The following CFAP299 variants were observed in gnomAD, a reference collection of about 807,000 sequenced individuals.
CFAP299 encodes the protein cilia- and flagella-associated protein 299.
Under a neutral mutation model 27.0 loss-of-function variants are expected in CFAP299, and 21 were observed. The observed-to-expected ratio is 0.78, with a 90% confidence interval of 0.55 to 1.12. CFAP299 has a LOEUF of 1.12. Among genes scored for constraint, CFAP299 ranks in the 50% most tolerant of loss-of-function variants. The pLI is 0.00. For synonymous variants in CFAP299, 104 were observed against 98.1 expected, an observed-to-expected ratio of 1.06 and a Z score of -0.36; for missense variants, 310 against 276.6, an observed-to-expected ratio of 1.12 and a Z score of -0.86.
At chr4:80,717,555 T>C (rs1722559839) in intron 3 of CFAP299, among the ~76,000 whole-genome samples, 1 of 152,122 alleles carries the variant, frequency 6.6e-6, no homozygotes, top group South Asian at 2.1e-4. Flanking sequence ...CCAAAATGTA[T>C]TCCAGACAGG....
chr4:80,857,594 A>G (rs1009260457), intron 3 of CFAP299, among the ~76,000 whole-genome samples: 1 of 152,060 alleles, frequency 6.6e-6, no homozygotes, highest in Non-Finnish European at 1.5e-5. Flanking sequence ...ATACCTAATT[A>G]ATTGAGAGTT....
In CFAP299 at chr4:80,638,200, T is replaced by C. The variant is rs947895781; in HGVS notation, c.333+55017T>C. The stretch of plus-strand genomic sequence containing the variant: ...GAAACAAGTAACTTCAACTTCCTGC[T>C]GCAGGCCCTTTTCACAGTGCCATCC... On this transcript the variant is annotated intron_variant, in intron 3 of 5. Transcript: ENST00000358105. Among the ~76,000 whole-genome samples the C allele has an allele frequency of 3.9e-5, 6 of 152,288 alleles. No individual in the cohort carries two copies. In the East Asian group the frequency reaches 1.2e-3, roughly 29 times the overall value.
intron 3 of CFAP299, among the ~76,000 whole-genome samples, chr4:80,601,744 A>C (rs1737362797): frequency 6.6e-6 from 1 of 152,174 alleles, no homozygotes; most frequent in Non-Finnish European, 1.5e-5. Context: ...GTTCTCATTC[A>C]TTTCCTCAGG....
rs563858889 is a variant in CFAP299, at chr4:80,394,175, A to G, written c.242+31291A>G. ...TGAGTCAATAAAACCTCTGCCCTTT[A>G]TATATTACCCAGTCTCTGGTACTTC... On this transcript the variant is annotated intron_variant, in intron 2 of 5. Coordinates refer to ENST00000358105, the MANE Select transcript of CFAP299 (RefSeq NM_152770.3). Among the ~76,000 whole-genome samples the G allele has an allele frequency of 3.3e-5, 5 of 152,276 alleles. No individual in the cohort carries two copies. The East Asian group carries it at 7.7e-4, about 24-fold the overall frequency.
At chr4:80,711,714 T>C (rs971496611) in intron 3 of CFAP299, among the ~76,000 whole-genome samples, 2 of 152,204 alleles carry the variant, frequency 1.3e-5, no homozygotes, top group African/African-American at 4.8e-5. Context: ...TTTGTTATGC[T>C]ATTTAAAAAA....
intron 3 of CFAP299, among the ~76,000 whole-genome samples, chr4:80,681,097 CAA>C (rs1448377216): frequency 6.6e-6 from 1 of 152,036 alleles, no homozygotes; most frequent in Admixed American, 6.5e-5. Flanking sequence ...GTGTCTGTAC[CAA>C]TTCAACTCTA....
At chr4:80,860,058 T>C (rs13149447) in intron 3 of CFAP299, among the ~76,000 whole-genome samples, 22,084 of 152,164 alleles carry the variant, frequency 0.15, 1,960 homozygotes, top group Middle Eastern at 0.26. Context: ...CAATCAAACG[T>C]AGATTTGGTC....
At chr4:80,553,602 G>A (rs1470470256) in intron 2 of CFAP299, among the ~76,000 whole-genome samples, 1 of 152,152 alleles carries the variant, frequency 6.6e-6, no homozygotes, top group Non-Finnish European at 1.5e-5. Context: ...CACAGTGTTT[G>A]AACTAATTTG....
At chr4:80,766,063 G>C (rs1725844588) in intron 3 of CFAP299, among the ~76,000 whole-genome samples, 1 of 152,002 alleles carries the variant, frequency 6.6e-6, no homozygotes, top group South Asian at 2.1e-4. Flanking sequence ...TGAATCTTAA[G>C]ACTTGAGAAG....
At chr4:80,739,189 A>T (rs534476533) in intron 3 of CFAP299, among the ~76,000 whole-genome samples, 21 of 152,290 alleles carry the variant, frequency 1.4e-4, no homozygotes, top group African/African-American at 4.8e-4. Flanking sequence ...AGTCAAGAAT[A>T]GTTTACACAC....
intron 3 of CFAP299, among the ~76,000 whole-genome samples, chr4:80,626,582 A>G (rs1295011741): frequency 6.6e-6 from 1 of 151,774 alleles, no homozygotes; most frequent in East Asian, 1.9e-4. Flanking sequence ...AGAAAAATAT[A>G]TATTTTTGAA....
chr4:80,956,048 A>G (rs1738046571), intron 5 of CFAP299, among the ~76,000 whole-genome samples: 1 of 152,182 alleles, frequency 6.6e-6, no homozygotes, highest in Non-Finnish European at 1.5e-5. Flanking sequence ...ATTACTCATA[A>G]TTGATATGAG....
At chr4:80,810,887 C>T (rs1230528692) in intron 3 of CFAP299, among the ~76,000 whole-genome samples, 2 of 152,138 alleles carry the variant, frequency 1.3e-5, no homozygotes, top group Admixed American at 1.3e-4. Context: ...CAGCCTGATG[C>T]AACATCCCCT....
At chr4:80,847,360 G>C (rs1192570474) in intron 3 of CFAP299, among the ~76,000 whole-genome samples, 1 of 152,096 alleles carries the variant, frequency 6.6e-6, no homozygotes, top group Admixed American at 6.6e-5. Context: ...CAATCTCTCT[G>C]CAATTCTGTC....
chr4:80,682,146 A>G (rs536602586), intron 3 of CFAP299, among the ~76,000 whole-genome samples: 49 of 152,314 alleles, frequency 3.2e-4, no homozygotes, highest in African/African-American at 1.0e-3. Context: ...TTTTCTCTGG[A>G]CAATATCATA....
chr4:80,742,693 A>G (rs961251063), intron 3 of CFAP299, among the ~76,000 whole-genome samples: 20 of 152,332 alleles, frequency 1.3e-4, no homozygotes, highest in Middle Eastern at 3.4e-3. Context: ...AAAAGCTGAC[A>G]TTTTAAAAAT....
At chr4:80,669,900 C>T (rs1741378234) in intron 3 of CFAP299, among the ~76,000 whole-genome samples, 1 of 151,608 alleles carries the variant, frequency 6.6e-6, no homozygotes, top group Non-Finnish European at 1.5e-5. Flanking sequence ...ATAAAAAAAC[C>T]CTTTTTTATT....
intron 3 of CFAP299, among the ~76,000 whole-genome samples, chr4:80,692,342 C>G (rs1195935470): frequency 1.3e-5 from 2 of 152,134 alleles, no homozygotes; most frequent in African/African-American, 2.4e-5. Flanking sequence ...GGTACCAAAA[C>G]AGAGATATAG....
chr4:80,463,073 C>G (rs1458864195), intron 2 of CFAP299, among the ~76,000 whole-genome samples: 1 of 152,066 alleles, frequency 6.6e-6, no homozygotes, highest in Non-Finnish European at 1.5e-5. Flanking sequence ...AAAGAAATTG[C>G]CTGCTTCCCC....
Sources: allele counts gnomAD v4.1 joint callset (sites outside exome capture counted in the v4.1 genomes callset), GRCh38; gene constraint gnomAD v4.1.1; transcripts MANE v1.5; gene names NCBI Gene and HGNC (gene_info 2026-07-23, HGNC 2026-07-21).